PCDHA4: variants seen among roughly 807,000 people sequenced by gnomAD.
PCDHA4 encodes the protein protocadherin alpha 4, also known as protocadherin alpha-4.
In PCDHA4, 49 loss-of-function variants were observed where a neutral mutation model predicts 61.4. The ratio of observed to expected loss-of-function variants is 0.80; its 90% CI spans 0.63 to 1.01. PCDHA4 has a LOEUF of 1.01. Ranked by LOEUF, PCDHA4 falls within the 50% of genes least tolerant of loss-of-function variation. PCDHA4 has a pLI of 0.00. For synonymous variants in PCDHA4, 590 were observed against 550.3 expected, an observed-to-expected ratio of 1.07 and a Z score of -1.01; for missense variants, 1,254 against 1,235.8, an observed-to-expected ratio of 1.01 and a Z score of -0.22.
At chr5:140,948,527 A>G (rs902965857) in intron 1 of PCDHA4, among the ~76,000 whole-genome samples, 7 of 151,560 alleles carry the variant, frequency 4.6e-5, no homozygotes, top group Non-Finnish European at 8.9e-5. Context: ...CACTATTTAT[A>G]TTTTATTTCA....
At chr5:140,968,288 C>A in intron 1 of PCDHA4, 1 of 1,613,976 alleles carries the variant, frequency 6.2e-7, no homozygotes, top group Non-Finnish European at 8.5e-7. Context: ...GACCTACTCC[C>A]TTCTGGAGAG....
chr5:140,923,792 T>G (rs2081513332), intron 1 of PCDHA4, among the ~76,000 whole-genome samples: 1 of 152,310 alleles, frequency 6.6e-6, no homozygotes, highest in South Asian at 2.1e-4. Flanking sequence ...CTTCATTCTT[T>G]TCACAAATGA....
intron 1 of PCDHA4, chr5:140,869,699 C>T (rs10071369): frequency 6.2e-7 from 1 of 1,613,378 alleles, no homozygotes; most frequent in East Asian, 2.2e-5. Context: ...TTAAAGAAGT[C>T]TCTGGATAGA....
chr5:140,989,004 CTTA>C (rs1445940440), intron 3 of PCDHA4: 15 of 152,184 alleles, frequency 9.9e-5, no homozygotes, highest in African/African-American at 3.4e-4. Context: ...GAAATAGAGA[CTTA>C]TTATAGTTTC....
intron 3 of PCDHA4, among the ~76,000 whole-genome samples, chr5:140,990,585 T>C (rs2097401437): frequency 6.6e-6 from 1 of 152,204 alleles, no homozygotes; most frequent in Non-Finnish European, 1.5e-5. Flanking sequence ...TCTTTTCCTA[T>C]AATCACCTGG....
chr5:140,944,470 A>G (rs1245262998), intron 1 of PCDHA4, among the ~76,000 whole-genome samples: 1 of 152,166 alleles, frequency 6.6e-6, no homozygotes, highest in East Asian at 1.9e-4. Flanking sequence ...TACAGGTATG[A>G]GGCACTGGAC....
At chr5:140,863,278 G>A (rs1554158055) in intron 1 of PCDHA4, 3 of 1,461,976 alleles carry the variant, frequency 2.1e-6, no homozygotes, top group South Asian at 1.1e-5. Flanking sequence ...GCTGGTGGAT[G>A]TCAACGTGTA....
In PCDHA4 at chr5:140,835,672, G is replaced by A. The variant is rs2150241563; in HGVS notation, c.2385+26100G>A. On this transcript the variant is annotated intron_variant, in intron 1 of 3. Coordinates refer to ENST00000530339, the MANE Select transcript of PCDHA4 (RefSeq NM_018907.4). The stretch of plus-strand genomic sequence containing the variant: ...GAGCTGGTGGTTACCGCGCGGGACG[G>A]GGGCTCGCCTTCTCTGTGGGCCACT... 1.9e-6 allele frequency: 3 copies of A among 1,613,926 alleles called. No individual in the cohort carries two copies. The South Asian group carries it at 3.3e-5, about 18-fold the overall frequency.
chr5:140,896,748 A>T (rs1554187100), intron 1 of PCDHA4, among the ~76,000 whole-genome samples: 1 of 151,856 alleles, frequency 6.6e-6, no homozygotes, highest in African/African-American at 2.4e-5. Context: ...TAGATTCTGG[A>T]TATTAGACCT....
At chr5:140,867,314 G>A (rs2049881742) in intron 1 of PCDHA4, 1 of 151,958 alleles carries the variant, frequency 6.6e-6, no homozygotes, top group Admixed American at 6.6e-5. Flanking sequence ...ACTGTCATCT[G>A]GTCTAATGTT....
At chr5:140,818,443 C>T (rs1042756863) in intron 1 of PCDHA4, among the ~76,000 whole-genome samples, 1 of 152,150 alleles carries the variant, frequency 6.6e-6, no homozygotes, top group Non-Finnish European at 1.5e-5. Context: ...TGGGTACTGG[C>T]TAATGTCAAA....
Position 140,868,975 on chromosome 5 carries a change from A to G in PCDHA4, c.2385+59403A>G, listed in dbSNP as rs1379610882. 4.1e-6 allele frequency: 6 copies of G among 1,479,060 alleles called. No individual in the cohort carries two copies. The South Asian group carries it at 7.0e-5, about 17-fold the overall frequency. The allele number at this position is 1,479,060 out of a possible 1,614,324, so 91.6% of individuals were successfully genotyped here. A position where few individuals can be genotyped will look rare whatever the true frequency, so the allele number is the denominator to read the frequency against. The stretch of plus-strand genomic sequence containing the variant: ...CACTCCCATACAAAGGAACTCCATC[A>G]TACCGGATGCCACCGTTTAAGGATC... On this transcript the variant is annotated intron_variant, in intron 1 of 3. Transcript: ENST00000530339.
chr5:140,833,757 C>A (rs1554133954), intron 1 of PCDHA4, among the ~76,000 whole-genome samples: 1 of 151,886 alleles, frequency 6.6e-6, no homozygotes, highest in Admixed American at 6.6e-5. Context: ...AGAAAACACA[C>A]ACACACACAC....
intron 1 of PCDHA4, chr5:140,811,522 C>T (rs1447514346): frequency 6.6e-6 from 1 of 151,940 alleles, no homozygotes; most frequent in South Asian, 2.1e-4. Flanking sequence ...AGATATATAC[C>T]CAGTAATGGG....
intron 1 of PCDHA4, chr5:140,816,760 T>C (rs2126674817): frequency 1.3e-5 from 2 of 152,266 alleles, no homozygotes; most frequent in South Asian, 2.1e-4. Context: ...TATGGACTTG[T>C]GTGTATAATT....
At chr5:140,851,249 A>G in intron 1 of PCDHA4, 1 of 1,094,194 alleles carries the variant, frequency 9.1e-7, no homozygotes, top group Non-Finnish European at 1.2e-6. Context: ...TAAATGATGC[A>G]TAGTATTTTA....
intron 1 of PCDHA4, chr5:140,848,788 G>T: frequency 6.3e-7 from 1 of 1,593,178 alleles, no homozygotes; most frequent in Non-Finnish European, 8.6e-7. Flanking sequence ...CTGTGCGGGC[G>T]GAGCGCGGAG....
rs2150370274 is a variant in PCDHA4 at position 140,844,311 on chromosome 5, T to C, written c.2385+34739T>C. Among the ~76,000 whole-genome samples, 61 of 149,790 alleles carry C rather than the reference T, an allele frequency of 4.1e-4. 5 individuals carry two copies. The highest frequency in any genetic ancestry group is 7.6e-4 in the Non-Finnish European group (51 of 66,820). On this transcript the variant is annotated intron_variant, in intron 1 of 3. Transcript: ENST00000530339. ...CAAAATTTGATAGTTTTCATATTCT[T>C]CCTAATTTTATTATAAACTAGTTAA...
chr5:140,951,243 A>G (rs1192486913), intron 1 of PCDHA4, among the ~76,000 whole-genome samples: 3 of 152,172 alleles, frequency 2.0e-5, no homozygotes, highest in Non-Finnish European at 4.4e-5. Context: ...ACCTTTAGGA[A>G]TGCATCACAT....
Sources: allele counts gnomAD v4.1 joint callset (sites outside exome capture counted in the v4.1 genomes callset), GRCh38; gene constraint gnomAD v4.1.1; transcripts MANE v1.5; gene names NCBI Gene and HGNC (gene_info 2026-07-23, HGNC 2026-07-21).